Variants in IGF2BP2 observed in about 807,000 individuals in gnomAD.
The protein encoded by IGF2BP2 is insulin like growth factor 2 mRNA binding protein 2.
Under a neutral mutation model 75.8 loss-of-function variants are expected in IGF2BP2, and 17 were observed. That is an observed-to-expected ratio of 0.22 (90% CI 0.15 to 0.34). IGF2BP2 has a LOEUF of 0.34. Ranked by LOEUF, IGF2BP2 falls within the 10% of genes least tolerant of loss-of-function variation. The probability of loss-of-function intolerance (pLI) is 1.00; values close to 1 mark genes in which losing one functional copy is unlikely to be tolerated. For synonymous variants in IGF2BP2, 288 were observed against 295.6 expected, an observed-to-expected ratio of 0.97 and a Z score of 0.26; for missense variants, 516 against 772.4, an observed-to-expected ratio of 0.67 and a Z score of 3.93.
chr3:185,650,261 C>G (rs1714362863), intron 13 of IGF2BP2, among the ~76,000 whole-genome samples: 1 of 151,406 alleles, frequency 6.6e-6, no homozygotes, highest in Non-Finnish European at 1.5e-5. Context: ...GCAGAGGAGC[C>G]AAGAACCTAT....
intron 2 of IGF2BP2, among the ~76,000 whole-genome samples, chr3:185,731,273 G>A (rs1168220694): frequency 2.7e-5 from 4 of 145,760 alleles, no homozygotes; most frequent in Middle Eastern, 7.0e-3. Flanking sequence ...TTGAGATGGA[G>A]TCTTGCTGTA....
At chr3:185,802,288 AC>A (rs1272978456) in intron 2 of IGF2BP2, among the ~76,000 whole-genome samples, 5 of 152,266 alleles carry the variant, frequency 3.3e-5, no homozygotes, top group Non-Finnish European at 7.3e-5. Flanking sequence ...TTCCAGCTTA[AC>A]ACATGAAGTG....
At position 185,824,906 on chromosome 3, in the gene IGF2BP2, G is replaced by A; in HGVS notation, c.55C>T (p.Leu19Phe). The A allele has an allele frequency of 6.4e-7, 1 of 1,571,852 alleles. No homozygotes were observed. The highest frequency in any genetic ancestry group is 8.6e-7 in the Non-Finnish European group (1 of 1,157,780). Residue 19 changes from leucine to phenylalanine, a missense_variant, in exon 1 of 16, where the codon CTC (leucine) becomes TTC (phenylalanine). By Grantham distance (22) the Leu-to-Phe change is conservative (BLOSUM62 0). Transcript: ENST00000382199. The part of the protein sequence containing the change: ...NLSPAVTADD[L>F]RQLFGDRKLP... ...TTCCTGTCCCCAAAGAGCTGCCGGA[G>A]GTCGTCGGCGGTGACGGCGGGGCTC...
chr3:185,717,829 G>T (rs1486328959), intron 2 of IGF2BP2: 3 of 152,238 alleles, frequency 2.0e-5, no homozygotes, highest in African/African-American at 7.2e-5. Context: ...CACCAGGTGG[G>T]AAGTAGGTAC....
intron 10 of IGF2BP2, among the ~76,000 whole-genome samples, chr3:185,668,492 G>T (rs963069591): frequency 2.6e-5 from 3 of 115,046 alleles, no homozygotes; most frequent in African/African-American, 1.0e-4. Context: ...TTGTTCGAGA[G>T]AGAGAGAGAG....
At chr3:185,795,291 C>T (rs35909974) in intron 2 of IGF2BP2, among the ~76,000 whole-genome samples, 49,190 of 152,044 alleles carry the variant, frequency 0.32, 8,478 homozygotes, top group African/African-American at 0.44. Flanking sequence ...CATGTGGTAA[C>T]ATGTGTCAAA....
At chr3:185,720,351 A>T (rs2034345) in intron 2 of IGF2BP2, among the ~76,000 whole-genome samples, 151,608 of 152,306 alleles carry the variant, frequency 1, 75,458 homozygotes, top group Middle Eastern at 1. Flanking sequence ...TTAATTAATT[A>T]ATTTATTTTT....
chr3:185,654,210 G>A (rs1715062372), intron 12 of IGF2BP2, among the ~76,000 whole-genome samples: 1 of 152,166 alleles, frequency 6.6e-6, no homozygotes, highest in South Asian at 2.1e-4. Flanking sequence ...CTTCCTGGGG[G>A]ACTTCCTTTG....
rs771672199 is a variant in IGF2BP2 at position 185,711,501 on chromosome 3, GTTCCTGAGTTTTCATCAC to G, written c.240-13172_240-13155del. Among the ~76,000 whole-genome samples, 155 of 152,290 alleles carry G rather than the reference GTTCCTGAGTTTTCATCAC, an allele frequency of 1.0e-3. 2 individuals carry two copies. Among genetic ancestry groups the G allele is most frequent in the Non-Finnish European group, 1.8e-3 (121 of 68,026 alleles). ...AAGACAATGAACAGCATCTGTCTCG[GTTCCTGAGTTTTCATCAC>G]TTCCTGAGTTTTCATCGCTTCCTCT... is the stretch of plus-strand genomic sequence containing the variant. On this transcript the variant is annotated intron_variant, in intron 2 of 15. Transcript: ENST00000382199.
intron 7 of IGF2BP2, among the ~76,000 whole-genome samples, chr3:185,676,855 TA>T (rs1719457793): frequency 7.0e-6 from 1 of 143,654 alleles, no homozygotes; most frequent in Non-Finnish European, 1.5e-5. Flanking sequence ...GATATATATA[TA>T]TATTTACTGG....
intron 2 of IGF2BP2, among the ~76,000 whole-genome samples, chr3:185,767,546 G>A (rs1032354821): frequency 6.6e-6 from 1 of 152,072 alleles, no homozygotes; most frequent in African/African-American, 2.4e-5. Flanking sequence ...CTCCAAGAAA[G>A]GGACAAGTAT....
intron 8 of IGF2BP2, 123 bp from the exon 9 acceptor site, chr3:185,675,554 C>A: frequency 8.5e-7 from 1 of 1,177,572 alleles, no homozygotes; most frequent in Non-Finnish European, 1.2e-6. Flanking sequence ...TCCCAACACA[C>A]TGTGGTGGAG....
At chr3:185,822,397 A>T (rs1408436956) in intron 2 of IGF2BP2, among the ~76,000 whole-genome samples, 1 of 152,208 alleles carries the variant, frequency 6.6e-6, no homozygotes, top group Non-Finnish European at 1.5e-5. Context: ...GTCCACAATA[A>T]ACTTTAAACA....
chr3:185,710,906 C>T (rs959268912), intron 2 of IGF2BP2, among the ~76,000 whole-genome samples: 4 of 151,688 alleles, frequency 2.6e-5, no homozygotes, highest in Non-Finnish European at 4.4e-5. Flanking sequence ...AAAACCACTT[C>T]GTAGGATACA....
intron 2 of IGF2BP2, among the ~76,000 whole-genome samples, chr3:185,810,793 C>CAA (rs1739709816): frequency 6.7e-6 from 1 of 149,706 alleles, no homozygotes; most frequent in South Asian, 2.1e-4. Flanking sequence ...CAACAAAAAA[C>CAA]AAAAACTAAA....
intron 10 of IGF2BP2, among the ~76,000 whole-genome samples, chr3:185,660,169 TCAACACTGACATTGCTGTTC>T (rs1316329598): frequency 6.6e-6 from 1 of 152,154 alleles, no homozygotes; most frequent in Non-Finnish European, 1.5e-5. Flanking sequence ...CAAGGCTGGG[TCAACACTGACATTGCTGTTC>T]CAGGAAAGGA....
At chr3:185,660,607 C>T (rs1577853208) in intron 10 of IGF2BP2, among the ~76,000 whole-genome samples, 1 of 152,250 alleles carries the variant, frequency 6.6e-6, no homozygotes, top group East Asian at 1.9e-4. Context: ...GCCCCTCATG[C>T]CCACAAGAGG....
At chr3:185,672,142 C>T (rs993232611) in intron 10 of IGF2BP2, among the ~76,000 whole-genome samples, 5 of 152,126 alleles carry the variant, frequency 3.3e-5, no homozygotes, top group Non-Finnish European at 5.9e-5. Context: ...GTAGAAACTG[C>T]ACATGTATGT....
chr3:185,698,429 C>T, intron 2 of IGF2BP2, 82 bp from the exon 3 acceptor site: 1 of 1,311,268 alleles, frequency 7.6e-7, no homozygotes, highest in Non-Finnish European at 1.1e-6. Flanking sequence ...TTAAACCCGT[C>T]ATTTGAATTT....
Sources: gnomAD v4.1 joint callset for allele counts (sites outside exome capture counted in the v4.1 genomes callset) on GRCh38, gnomAD v4.1.1 for gene constraint, MANE v1.5 for transcripts, NCBI Gene and HGNC (gene_info 2026-07-23, HGNC 2026-07-21) for gene names.